Variants in CDK13 observed in about 807,000 individuals in gnomAD.
The protein encoded by CDK13 is cyclin dependent kinase 13.
A neutral mutation model predicts 137.6 loss-of-function variants in CDK13; 40 were observed. The observed-to-expected ratio is 0.29, with a 90% confidence interval of 0.23 to 0.38. CDK13 has a LOEUF of 0.38. CDK13 is among the 10% of genes least tolerant of loss of function. CDK13 has a pLI of 1.00. For missense variants in CDK13, 1,704 were observed against 1,951.8 expected (o/e 0.87, Z 2.39); for synonymous variants, 869 against 760.1 (o/e 1.14, Z -2.36).
chr7:40,018,200 G>C (rs1785041873), intron 5 of CDK13, among the ~76,000 whole-genome samples: 1 of 152,042 alleles, frequency 6.6e-6, no homozygotes, highest in African/African-American at 2.4e-5. Context: ...TTAAAAAATT[G>C]GTCAGGGTGT....
chr7:39,951,576 G>A lies in CDK13; in HGVS notation c.935G>A (p.Arg312Gln), dbSNP rs2116067732. The A allele has an allele frequency of 6.6e-7, 1 of 1,512,944 alleles. No individual in the cohort carries two copies. Among genetic ancestry groups the A allele is most frequent in the Non-Finnish European group, 8.8e-7 (1 of 1,132,418 alleles). 93.7% of individuals were successfully genotyped at this position (1,512,944 alleles called of 1,614,324 possible). ...AAGACCGAGCCTAAGGCCTACAGGC[G>A]GCGGCGGTCCCTCAGCCCACTGGGA... ...EDKTEPKAYR[R>Q]RRSLSPLGGR... Residue 312 changes from arginine to glutamine, a missense_variant, in exon 1 of 14, where the codon CGG (arginine) becomes CAG (glutamine). By Grantham distance (43) the Arg-to-Gln change is conservative (BLOSUM62 1). This residue lies in a region of CDK13 where 1,051 missense variants were observed against 931.0 expected (regional missense o/e 1.13). Coordinates refer to ENST00000181839, the MANE Select transcript of CDK13 (RefSeq NM_003718.5).
Position 39,998,442 on chromosome 7 carries a change from C to CAAAAAAAAA in CDK13, c.2042+778_2042+779insAAAAAAAAA, listed in dbSNP as rs1784609425. The CAAAAAAAAA allele has an allele frequency of 9.6e-5, 7 of 72,628 alleles. 3 individuals carry two copies. The highest frequency in any genetic ancestry group is 5.2e-4 in the African/African-American group (7 of 13,418). The allele number at this position is 72,628 out of a possible 1,614,324, so 4.5% of individuals were successfully genotyped here. ...GCAACACAGGGAGACCCCATCTCTACCAAAAAAAAAAAAAAAAAAAAAAAA... is the reference window on the plus strand; with the variant it reads ...GCAACACAGGGAGACCCCATCTCTACAAAAAAAAACAAAAAAAAAAAAAAAAAAAAAAAA... On this transcript the variant is annotated intron_variant, in intron 3 of 13. Transcript: ENST00000181839.
At chr7:40,039,831 G>A (rs1480531701) in intron 5 of CDK13, among the ~76,000 whole-genome samples, 5 of 152,022 alleles carry the variant, frequency 3.3e-5, no homozygotes, top group African/African-American at 1.2e-4. Flanking sequence ...TTTTAGCCAT[G>A]CAGAGGATTT....
At chr7:40,084,554 T>A (rs1412813723) in intron 11 of CDK13, among the ~76,000 whole-genome samples, 1 of 152,196 alleles carries the variant, frequency 6.6e-6, no homozygotes, top group Non-Finnish European at 1.5e-5. Context: ...TATATATAGC[T>A]GGAAAGTGAA....
intron 1 of CDK13, among the ~76,000 whole-genome samples, chr7:39,960,085 T>C (rs1461663232): frequency 2.0e-5 from 3 of 151,734 alleles, no homozygotes; most frequent in Non-Finnish European, 2.9e-5. Context: ...TCTTTTTTTT[T>C]TTTTTCCAGT....
chr7:40,005,290 ATTT>A (rs34406657), intron 5 of CDK13, among the ~76,000 whole-genome samples: 19,192 of 139,274 alleles, frequency 0.14, 1,568 homozygotes, highest in Middle Eastern at 0.2. Context: ...TTTAAAGTGA[ATTT>A]TTTTTTTTTT....
chr7:40,062,736 G>A, intron 7 of CDK13, 90 bp from the exon 8 acceptor site: 2 of 906,824 alleles, frequency 2.2e-6, no homozygotes, highest in East Asian at 4.8e-5. Context: ...TAGGATTATA[G>A]GGATTGCTTT....
At chr7:39,980,015 C>T (rs1299597887) in intron 1 of CDK13, among the ~76,000 whole-genome samples, 1 of 152,186 alleles carries the variant, frequency 6.6e-6, no homozygotes, top group East Asian at 1.9e-4. Context: ...TTTTAGTTCA[C>T]TGAGACTGAT....
intron 2 of CDK13, among the ~76,000 whole-genome samples, chr7:39,990,698 A>G (rs1232185230): frequency 1.3e-5 from 2 of 152,074 alleles, no homozygotes; most frequent in Admixed American, 6.6e-5. Flanking sequence ...ACCTCTTACT[A>G]CTCTCATGAG....
chr7:40,000,613 C>T (rs17496366), intron 4 of CDK13, among the ~76,000 whole-genome samples: 224 of 152,188 alleles, frequency 1.5e-3, no homozygotes, highest in Middle Eastern at 3.4e-3. Flanking sequence ...GATGACCTTA[C>T]GGTTAGAAAC....
intron 1 of CDK13, among the ~76,000 whole-genome samples, chr7:39,973,226 T>C (rs1182130989): frequency 6.6e-6 from 1 of 152,150 alleles, no homozygotes; most frequent in Non-Finnish European, 1.5e-5. Flanking sequence ...AGCCTCCATC[T>C]CTAGGACTCA....
Position 39,950,477 on chromosome 7 carries a change from C to G in CDK13, c.-165C>G, listed in dbSNP as rs967092242. 7.2e-6 allele frequency: 9 copies of G among 1,257,574 alleles called. No homozygotes were observed. In the African/African-American group the frequency reaches 1.1e-4, roughly 15 times the overall value. The allele number at this position is 1,257,574 out of a possible 1,614,324, so 77.9% of individuals were successfully genotyped here. ...CTGCGTACCCCACTGTGACCTGGAA[C>G]CCAGGGACCCGAGTCCCGACCCGGA... On this transcript the variant is annotated 5_prime_UTR_variant, in exon 1 of 14. Coordinates refer to ENST00000181839, the MANE Select transcript of CDK13 (RefSeq NM_003718.5).
intron 1 of CDK13, among the ~76,000 whole-genome samples, chr7:39,962,733 C>T (rs1413857684): frequency 2.0e-5 from 3 of 152,172 alleles, no homozygotes; most frequent in Non-Finnish European, 4.4e-5. Flanking sequence ...ATGGTATTGC[C>T]TAGGTTTTCT....
intron 11 of CDK13, among the ~76,000 whole-genome samples, chr7:40,087,308 A>G (rs1325764673): frequency 6.6e-6 from 1 of 151,432 alleles, no homozygotes; most frequent in Admixed American, 6.6e-5. Context: ...ATGCCCAACT[A>G]ATTTTTGTAT....
chr7:39,991,484 AGTGTGTGTGTGTGTGTGTGT>A (rs66520870), intron 2 of CDK13, among the ~76,000 whole-genome samples: 4 of 143,772 alleles, frequency 2.8e-5, no homozygotes, highest in Admixed American at 1.4e-4. Context: ...CATTAGCAAA[AGTGTGTGTGTGTGTGTGTGT>A]GTGTGTGTGT....
intron 5 of CDK13, among the ~76,000 whole-genome samples, chr7:40,039,194 T>C (rs936534938): frequency 2.0e-5 from 3 of 152,126 alleles, no homozygotes; most frequent in Non-Finnish European, 2.9e-5. Flanking sequence ...AATTGTCTCT[T>C]TTTCTCACTT....
intron 7 of CDK13, among the ~76,000 whole-genome samples, chr7:40,051,765 T>C (rs576179907): frequency 1.3e-5 from 2 of 152,338 alleles, no homozygotes; most frequent in Non-Finnish European, 2.9e-5. Flanking sequence ...CTGTGACCAA[T>C]GTGGATCTGC....
intron 1 of CDK13, among the ~76,000 whole-genome samples, chr7:39,971,633 G>GCCTGTAATCA (rs1427234285): frequency 2.6e-4 from 9 of 34,646 alleles, no homozygotes; most frequent in African/African-American, 8.0e-4. Context: ...GTGGTGGCTC[G>GCCTGTAATCA]CAGCACTTTG....
chr7:39,986,815 G>A (rs1452576480), intron 1 of CDK13: 1 of 152,124 alleles, frequency 6.6e-6, no homozygotes, highest in African/African-American at 2.4e-5. Flanking sequence ...TTATGCTTAT[G>A]TCTATTTTAG....
Sources: gnomAD v4.1 joint callset for allele counts (sites outside exome capture counted in the v4.1 genomes callset) on GRCh38, gnomAD v4.1.1 for gene constraint, gnomAD v4.1.1 regional missense constraint, MANE v1.5 for transcripts, NCBI Gene and HGNC (gene_info 2026-07-23, HGNC 2026-07-21) for gene names.